The following SUSD5 variants were observed in gnomAD, a reference collection of about 807,000 sequenced individuals.
The protein encoded by SUSD5 is sushi domain containing 5.
SUSD5 carries 33 observed loss-of-function variants against 29.5 expected under a neutral mutation model. That is an observed-to-expected ratio of 1.12 (90% confidence interval 0.85 to 1.49). SUSD5 has a LOEUF of 1.49. Ranked by LOEUF, SUSD5 falls within the 40% of genes most tolerant of loss-of-function variation. SUSD5 has a pLI of 0.00. For synonymous variants in SUSD5, 308 were observed against 325.3 expected, an observed-to-expected ratio of 0.95 and a Z score of 0.57; for missense variants, 776 against 800.6, an observed-to-expected ratio of 0.97 and a Z score of 0.37.
chr3:33,176,085 T>G (rs2031546780), intron 3 of SUSD5, among the ~76,000 whole-genome samples: 1 of 152,228 alleles, frequency 6.6e-6, no homozygotes, highest in African/African-American at 2.4e-5. Flanking sequence ...TTCACATAGT[T>G]GGAATCATAA....
chr3:33,164,162 A>G (rs2031255201), intron 4 of SUSD5, among the ~76,000 whole-genome samples: 1 of 152,174 alleles, frequency 6.6e-6, no homozygotes, highest in African/African-American at 2.4e-5. Flanking sequence ...CGACAGAGCA[A>G]GACTCTGTCT....
intron 3 of SUSD5, among the ~76,000 whole-genome samples, chr3:33,180,966 T>C (rs947873333): frequency 6.6e-6 from 1 of 150,514 alleles, no homozygotes; most frequent in Admixed American, 6.6e-5. Flanking sequence ...GTTGCAGGCA[T>C]GAGCCAGCAC....
At position 33,153,599 on chromosome 3, in the gene SUSD5, C is replaced by G. The variant is rs901042723; in HGVS notation, c.1033G>C (p.Gly345Arg). Residue 345 changes from glycine (G) to arginine (R), a missense_variant, in exon 5 of 5, where the codon GGT (glycine) becomes CGT (arginine). Physicochemically the swap from Gly to Arg is moderately radical, Grantham distance 125. Coordinates refer to ENST00000309558, the MANE Select transcript of SUSD5 (RefSeq NM_015551.2). ...TTGCCCACAAATGGCCCCGAGGGAC[C>G]ATCAGTGTTGCCGTAGATCACCTTG... ...ETKVIYGNTD[G>R]PSGPFVGKND... 2 of 1,613,880 alleles carry G rather than the reference C, an allele frequency of 1.2e-6. No individual in the cohort carries two copies. Among genetic ancestry groups the G allele is most frequent in the African/African-American group, 2.7e-5 (2 of 74,920 alleles).
At chr3:33,155,154 T>G (rs955178537) in intron 4 of SUSD5, among the ~76,000 whole-genome samples, 5 of 152,192 alleles carry the variant, frequency 3.3e-5, no homozygotes, top group Non-Finnish European at 7.3e-5. Flanking sequence ...AAGGCAGAGT[T>G]AGAGAAGCTA....
At position 33,181,082 on chromosome 3, in the gene SUSD5, GCT is replaced by G. The variant is rs748856030; in HGVS notation, c.410-6010_410-6009del. ...GTACAGTTGTACAATGTGTTTTTAA[GCT>G]CTGTTATTATGAAAAAGTCAACAAG... is the stretch of plus-strand genomic sequence containing the variant. On this transcript the variant is annotated intron_variant, in intron 3 of 4. Coordinates refer to ENST00000309558, the MANE Select transcript of SUSD5 (RefSeq NM_015551.2). Among the ~76,000 whole-genome samples, 44 of 151,592 alleles carry G rather than the reference GCT, an allele frequency of 2.9e-4. No homozygotes were observed. The Middle Eastern group carries it at 0.014, about 47-fold the overall frequency.
Position 33,214,124 on chromosome 3 carries a change from A to G in SUSD5, c.113-19T>C. On this transcript the variant is annotated intron_variant, in intron 1 of 4. Coordinates refer to ENST00000309558, the MANE Select transcript of SUSD5 (RefSeq NM_015551.2). ...AACTTTCCTGTGTGGGAACAAGAAC[A>G]AACACATGTGGATTTCAGGATCCAT... 1.3e-6 allele frequency: 2 copies of G among 1,578,074 alleles called. No homozygotes were observed.
intron 4 of SUSD5, among the ~76,000 whole-genome samples, chr3:33,169,100 T>C (rs138966081): frequency 6.5e-4 from 99 of 152,276 alleles, no homozygotes; most frequent in African/African-American, 2.2e-3. Context: ...TTAAATGAGA[T>C]GAAGTGTGTA....
chr3:33,163,949 G>A (rs1172947552), intron 4 of SUSD5, among the ~76,000 whole-genome samples: 3 of 152,084 alleles, frequency 2.0e-5, no homozygotes, highest in African/African-American at 4.8e-5. Context: ...GCAGTGAGCC[G>A]AGATCGCACC....
chr3:33,161,554 G>A (rs911450028), intron 4 of SUSD5, among the ~76,000 whole-genome samples: 5 of 152,102 alleles, frequency 3.3e-5, no homozygotes, highest in Non-Finnish European at 7.4e-5. Context: ...ATGGATTAAT[G>A]CTACTATTGA....
chr3:33,174,767 A>G, intron 4 of SUSD5, 119 bp downstream of exon 4: 1 of 1,159,248 alleles, frequency 8.6e-7, no homozygotes. Flanking sequence ...AAAGGTCTGA[A>G]AGCCTCTTTT....
chr3:33,194,957 G>C lies in SUSD5; in HGVS notation c.409+12851C>G, dbSNP rs1272689136. 1.3e-5 allele frequency among the ~76,000 whole-genome samples: 2 copies of C among 152,162 alleles called. 1 individual carries two copies. Among genetic ancestry groups the C allele is most frequent in the South Asian group, 4.1e-4 (2 of 4,822 alleles). On this transcript the variant is annotated intron_variant, in intron 3 of 4. Transcript: ENST00000309558. ...CACCTGTAATCCCAGCACTTTGGGAGGCCGAGGTGGGTGGATCACCTGAGG... is the reference window on the plus strand; with the variant it reads ...CACCTGTAATCCCAGCACTTTGGGACGCCGAGGTGGGTGGATCACCTGAGG...
At chr3:33,155,636 G>A (rs2031033064) in intron 4 of SUSD5, among the ~76,000 whole-genome samples, 1 of 152,136 alleles carries the variant, frequency 6.6e-6, no homozygotes, top group African/African-American at 2.4e-5. Context: ...AAAACTGGAA[G>A]CAATTCAAAT....
At chr3:33,184,708 T>A (rs2031743545) in intron 3 of SUSD5, among the ~76,000 whole-genome samples, 1 of 152,246 alleles carries the variant, frequency 6.6e-6, no homozygotes, top group South Asian at 2.1e-4. Context: ...AGTCTACTGA[T>A]GAGCCTATTT....
intron 3 of SUSD5, among the ~76,000 whole-genome samples, chr3:33,178,154 G>A (rs1205220158): frequency 2.6e-5 from 4 of 152,116 alleles, no homozygotes; most frequent in South Asian, 2.1e-4. Context: ...TTGAGTTGAA[G>A]AAGTTCCCCT....
At chr3:33,160,315 T>C (rs1164707473) in intron 4 of SUSD5, among the ~76,000 whole-genome samples, 1 of 149,864 alleles carries the variant, frequency 6.7e-6, no homozygotes, top group East Asian at 2.0e-4. Flanking sequence ...AACAAACAAG[T>C]AAAATATCTG....
chr3:33,206,629 G>T (rs76505920), intron 3 of SUSD5, among the ~76,000 whole-genome samples: 5,822 of 152,080 alleles, frequency 0.038, 321 homozygotes, highest in African/African-American at 0.13. Context: ...CAGAGCAGAA[G>T]GCTCTTAGGG....
chr3:33,202,741 C>T (rs541598800), intron 3 of SUSD5, among the ~76,000 whole-genome samples: 2 of 152,280 alleles, frequency 1.3e-5, no homozygotes, highest in African/African-American at 4.8e-5. Context: ...AATAACTTCA[C>T]TTATTAGTTT....
rs568559881 is a variant in SUSD5 at position 33,175,172 on chromosome 3, A to G, written c.410-98T>C. The G allele has an allele frequency of 5.7e-5, 75 of 1,307,482 alleles. No homozygotes were observed. The South Asian group carries it at 1.0e-3, about 18-fold the overall frequency. The allele number at this position is 1,307,482 out of a possible 1,614,324, so 81.0% of individuals were successfully genotyped here. On this transcript the variant is annotated intron_variant, in intron 3 of 4. Transcript: ENST00000309558. ...AAAACACAACTCTCCCCTGCCGCCC[A>G]CCGTACCCTCAACTGTGATCACAGG... is the stretch of plus-strand genomic sequence containing the variant.
intron 4 of SUSD5, 57 bp from the exon 5 acceptor site, chr3:33,154,090 A>G: frequency 7.3e-7 from 1 of 1,378,952 alleles, no homozygotes; most frequent in Non-Finnish European, 9.7e-7. Context: ...GCCAGTATAG[A>G]ACATAAGAAA....
Sources: gnomAD v4.1 joint callset for allele counts (sites outside exome capture counted in the v4.1 genomes callset) on GRCh38, gnomAD v4.1.1 for gene constraint, MANE v1.5 for transcripts, NCBI Gene and HGNC (gene_info 2026-07-23, HGNC 2026-07-21) for gene names.